KCNH7: variants seen among roughly 807,000 people sequenced by gnomAD.
KCNH7 encodes the protein voltage-gated inwardly rectifying potassium channel KCNH7.
In KCNH7, 49 loss-of-function variants were observed where a neutral mutation model predicts 120.8. The observed-to-expected ratio is 0.41, with a 90% CI of 0.32 to 0.51. The LOEUF is 0.51. Among genes scored for constraint, KCNH7 ranks in the 20% least tolerant of loss-of-function variants. The probability of loss-of-function intolerance (pLI) is 0.38; values close to 1 mark genes in which losing one functional copy is unlikely to be tolerated. For missense variants in KCNH7, 1,097 were observed against 1,446.6 expected (o/e 0.76, Z 3.92); for synonymous variants, 547 against 516.1 (o/e 1.06, Z -0.81).
intron 3 of KCNH7, among the ~76,000 whole-genome samples, chr2:162,519,568 T>TA (rs1481661700): frequency 6.6e-6 from 1 of 151,764 alleles, no homozygotes; most frequent in Non-Finnish European, 1.5e-5. Context: ...GTTTATAAAC[T>TA]AAAAAAACTA....
intron 2 of KCNH7, among the ~76,000 whole-genome samples, chr2:162,613,803 A>G (rs1294189780): frequency 6.6e-6 from 1 of 152,046 alleles, no homozygotes; most frequent in Non-Finnish European, 1.5e-5. Context: ...CTGGATAAAA[A>G]TAACACGTAA....
At position 162,446,016 on chromosome 2, in the gene KCNH7, A is replaced by C; in HGVS notation, c.1554+2T>G. Reference sequence around the variant, plus strand: ...AAAATAAGAATCTTAAGCAGTTCTTACCTCATCAGAACCTGATCCAAAAAT... The same window carrying C: ...AAAATAAGAATCTTAAGCAGTTCTTCCCTCATCAGAACCTGATCCAAAAAT... On this transcript the variant is annotated splice_donor_variant, in intron 7 of 15. Coordinates refer to ENST00000332142, the MANE Select transcript of KCNH7 (RefSeq NM_033272.4). LOFTEE classifies it high-confidence loss of function. 1 of 1,608,022 alleles carries C rather than the reference A, an allele frequency of 6.2e-7. No individual in the cohort carries two copies. Among genetic ancestry groups the C allele is most frequent in the Non-Finnish European group, 8.5e-7 (1 of 1,176,596 alleles).
chr2:162,650,263 C>T (rs995521572), intron 2 of KCNH7, among the ~76,000 whole-genome samples: 3 of 152,044 alleles, frequency 2.0e-5, no homozygotes, highest in African/African-American at 7.2e-5. Flanking sequence ...ATAAAGTTAC[C>T]TCATATGTCA....
intron 2 of KCNH7, among the ~76,000 whole-genome samples, chr2:162,573,605 C>A (rs945811768): frequency 6.6e-6 from 1 of 151,856 alleles, no homozygotes; most frequent in Non-Finnish European, 1.5e-5. Flanking sequence ...TTATTATTTT[C>A]TTTAGTCCAC....
intron 2 of KCNH7, among the ~76,000 whole-genome samples, chr2:162,577,625 C>A (rs1459131349): frequency 6.6e-6 from 1 of 152,028 alleles, no homozygotes. Flanking sequence ...AATCTAATTT[C>A]AGTTACTTCT....
intron 9 of KCNH7, among the ~76,000 whole-genome samples, chr2:162,408,143 AATTGG>A (rs1381508261): frequency 6.6e-6 from 1 of 152,060 alleles, no homozygotes; most frequent in East Asian, 1.9e-4. Context: ...CTGTCCATCA[AATTGG>A]CTTTCTAAAG....
chr2:162,587,167 A>T (rs1401614944), intron 2 of KCNH7, among the ~76,000 whole-genome samples: 2 of 152,116 alleles, frequency 1.3e-5, no homozygotes, highest in African/African-American at 4.8e-5. Flanking sequence ...CATTTACTTC[A>T]TATTTATGAA....
intron 2 of KCNH7, among the ~76,000 whole-genome samples, chr2:162,701,406 C>CA (rs1348338524): frequency 1.3e-5 from 2 of 152,040 alleles, no homozygotes; most frequent in African/African-American, 4.8e-5. Context: ...TAGAAGCCCT[C>CA]ATTACACACT....
intron 13 of KCNH7, among the ~76,000 whole-genome samples, chr2:162,383,245 G>C (rs1385379035): frequency 6.6e-6 from 1 of 151,962 alleles, no homozygotes; most frequent in Non-Finnish European, 1.5e-5. Flanking sequence ...AGATGGTTCA[G>C]CAAGCTCTTC....
chr2:162,405,579 T>C (rs1424755292), intron 9 of KCNH7, among the ~76,000 whole-genome samples: 1 of 151,972 alleles, frequency 6.6e-6, no homozygotes, highest in Non-Finnish European at 1.5e-5. Context: ...TGGCATACAA[T>C]TATAATATTG....
At chr2:162,515,784 C>A (rs538970378) in intron 4 of KCNH7, among the ~76,000 whole-genome samples, 1 of 151,762 alleles carries the variant, frequency 6.6e-6, no homozygotes, top group East Asian at 2.0e-4. Context: ...CTTGTATTTT[C>A]TTTTTTCCTT....
At chr2:162,828,300 T>C (rs1404063072) in intron 2 of KCNH7, among the ~76,000 whole-genome samples, 1 of 152,166 alleles carries the variant, frequency 6.6e-6, no homozygotes, top group Non-Finnish European at 1.5e-5. Context: ...TTATTACTTG[T>C]TCTTTGTTAC....
At chr2:162,828,966 G>A (rs1268475715) in intron 2 of KCNH7, among the ~76,000 whole-genome samples, 1 of 152,100 alleles carries the variant, frequency 6.6e-6, no homozygotes, top group Non-Finnish European at 1.5e-5. Context: ...TTTAACTTGG[G>A]AAAAGTCATA....
chr2:162,668,372 A>G (rs563408251), intron 2 of KCNH7, among the ~76,000 whole-genome samples: 1 of 152,178 alleles, frequency 6.6e-6, no homozygotes, highest in African/African-American at 2.4e-5. Context: ...CTTCCAGTAA[A>G]CTACACTCAA....
At chr2:162,609,669 C>T (rs1459145642) in intron 2 of KCNH7, among the ~76,000 whole-genome samples, 1 of 152,138 alleles carries the variant, frequency 6.6e-6, no homozygotes, top group East Asian at 1.9e-4. Context: ...AGGCAAACTT[C>T]TTACTGGTTT....
chr2:162,724,062 T>C (rs558890984), intron 2 of KCNH7, among the ~76,000 whole-genome samples: 1 of 152,274 alleles, frequency 6.6e-6, no homozygotes, highest in South Asian at 2.1e-4. Flanking sequence ...CAGGTAATAA[T>C]GAGGTATAAC....
intron 2 of KCNH7, among the ~76,000 whole-genome samples, chr2:162,659,559 G>A (rs572156314): frequency 6.6e-6 from 1 of 151,996 alleles, no homozygotes; most frequent in East Asian, 1.9e-4. Context: ...CCAGGCTTGT[G>A]TCAAACTCCT....
intron 2 of KCNH7, among the ~76,000 whole-genome samples, chr2:162,687,751 C>T (rs1202133396): frequency 1.3e-5 from 2 of 152,128 alleles, no homozygotes; most frequent in African/African-American, 4.8e-5. Context: ...ATTAAGGGTA[C>T]ATTAATTTAA....
chr2:162,475,218 C>T (rs1045253265), intron 6 of KCNH7, among the ~76,000 whole-genome samples: 1 of 152,110 alleles, frequency 6.6e-6, no homozygotes, highest in Non-Finnish European at 1.5e-5. Context: ...TTTAAAGATG[C>T]CATTTATGTG....
Sources: allele counts gnomAD v4.1 joint callset (sites outside exome capture counted in the v4.1 genomes callset), GRCh38; gene constraint gnomAD v4.1.1; transcripts MANE v1.5; gene names NCBI Gene and HGNC (gene_info 2026-07-23, HGNC 2026-07-21).